KIAA1217: variants seen among roughly 807,000 people sequenced by gnomAD.
KIAA1217 encodes the protein KIAA1217.
KIAA1217 carries 88 observed loss-of-function variants against 163.9 expected under a neutral mutation model. The ratio of observed to expected loss-of-function variants is 0.54; its 90% CI spans 0.45 to 0.64. The LOEUF (loss-of-function observed/expected upper bound fraction) is 0.64. Ranked by LOEUF, KIAA1217 falls within the 30% of genes least tolerant of loss-of-function variation. The pLI, the probability that KIAA1217 is intolerant of heterozygous loss-of-function variation, is 0.00. For missense variants in KIAA1217, 2,372 were observed against 2,475.0 expected (o/e 0.96, Z 0.88); for synonymous variants, 903 against 923.1 (o/e 0.98, Z 0.39).
chr10:24,528,268 T>G (rs371137146), intron 14 of KIAA1217, 149 bp downstream of exon 14: 2 of 622,448 alleles, frequency 3.2e-6, no homozygotes. Context: ...GAGCAAATCC[T>G]CTGGTGTTCC....
chr10:23,948,979 A>G (rs1589130017), intron 1 of KIAA1217, among the ~76,000 whole-genome samples: 1 of 152,214 alleles, frequency 6.6e-6, no homozygotes, highest in East Asian at 1.9e-4. Flanking sequence ...TGAGCCCTCA[A>G]AAAACTCACA....
intron 1 of KIAA1217, among the ~76,000 whole-genome samples, chr10:23,940,862 C>T (rs544616830): frequency 3.9e-5 from 6 of 152,350 alleles, no homozygotes; most frequent in African/African-American, 1.4e-4. Context: ...AAGGAGAAAT[C>T]AGTGTGTAAA....
Position 24,546,605 on chromosome 10 carries a change from G to A in KIAA1217, c.*281G>A, listed in dbSNP as rs545463255. 12 of 335,934 alleles carry A rather than the reference G, an allele frequency of 3.6e-5. No homozygotes were observed. In the East Asian group the frequency reaches 3.6e-4, roughly 10 times the overall value. 20.8% of individuals were successfully genotyped at this position (335,934 alleles called of 1,614,324 possible). ...AGGTTCTGGTGGGAGAGAAAGGTGC[G>A]TGTGAGACAGGAGAATTGTCTTAAG... On this transcript the variant is annotated 3_prime_UTR_variant, in exon 21 of 21. Coordinates refer to ENST00000376454, the MANE Select transcript of KIAA1217 (RefSeq NM_019590.5).
chr10:23,849,926 G>A (rs1839227146), intron 1 of KIAA1217, among the ~76,000 whole-genome samples: 1 of 152,034 alleles, frequency 6.6e-6, no homozygotes, highest in African/African-American at 2.4e-5. Flanking sequence ...GCGTACAACA[G>A]ACACATTGCA....
intron 1 of KIAA1217, among the ~76,000 whole-genome samples, chr10:23,773,567 T>C (rs1564407944): frequency 6.6e-6 from 1 of 152,208 alleles, no homozygotes; most frequent in Non-Finnish European, 1.5e-5. Context: ...ATGGCCATTT[T>C]CACGATATTG....
intron 1 of KIAA1217, among the ~76,000 whole-genome samples, chr10:23,923,049 C>A (rs950882933): frequency 6.6e-6 from 1 of 152,120 alleles, no homozygotes; most frequent in Non-Finnish European, 1.5e-5. Context: ...GTCACCCAAG[C>A]AGGGTACACT....
At chr10:24,172,602 C>A in intron 2 of KIAA1217, among the ~76,000 whole-genome samples, 1 of 152,200 alleles carries the variant, frequency 6.6e-6, no homozygotes, top group African/African-American at 2.4e-5. Context: ...AATGAGTTAA[C>A]ATCTGTCCAA....
intron 2 of KIAA1217, among the ~76,000 whole-genome samples, chr10:24,089,113 A>G (rs2061827882): frequency 8.0e-6 from 1 of 124,922 alleles, no homozygotes; most frequent in Non-Finnish European, 2.0e-5. Flanking sequence ...GTGTCTGTTC[A>G]TATCCTTCGC....
At chr10:24,063,304 A>G (rs1185027577) in intron 2 of KIAA1217, among the ~76,000 whole-genome samples, 1 of 152,172 alleles carries the variant, frequency 6.6e-6, no homozygotes, top group Non-Finnish European at 1.5e-5. Context: ...TCCATGTTGA[A>G]TTAATTTTTG....
Position 24,501,461 on chromosome 10 carries a change from C to G in KIAA1217, c.1917C>G (p.Thr639=), listed in dbSNP as rs773691200. ...VPPSQPPPVG[T]SAIHMSLLEM... ...CCAGCCAGCCTCCACCTGTGGGCAC[C>G]TCAGCCATCCACATGAGCCTGCTTG... The change falls in exon 9 of 21, where the codon ACC becomes ACG. Residue 639 remains threonine, a synonymous_variant. Coordinates refer to ENST00000376454, the MANE Select transcript of KIAA1217 (RefSeq NM_019590.5). 1 of 1,614,090 alleles carries G rather than the reference C, an allele frequency of 6.2e-7. No individual in the cohort carries two copies.
chr10:23,856,130 A>G (rs1171443259), intron 1 of KIAA1217, among the ~76,000 whole-genome samples: 1 of 151,936 alleles, frequency 6.6e-6, no homozygotes, highest in East Asian at 1.9e-4. Context: ...TTTTTTCCCC[A>G]TCTATGTGGT....
intron 3 of KIAA1217, among the ~76,000 whole-genome samples, chr10:24,420,079 T>G (rs1465753502): frequency 6.6e-6 from 1 of 152,120 alleles, no homozygotes; most frequent in Non-Finnish European, 1.5e-5. Flanking sequence ...ATGGTCAGCT[T>G]AAAAGACGTA....
At chr10:23,945,748 G>A (rs577816612) in intron 1 of KIAA1217, among the ~76,000 whole-genome samples, 4 of 152,230 alleles carry the variant, frequency 2.6e-5, no homozygotes, top group African/African-American at 7.2e-5. Flanking sequence ...TGATTCTCCT[G>A]TACTTCATTT....
At chr10:24,455,384 AT>A (rs1048992798) in intron 5 of KIAA1217, among the ~76,000 whole-genome samples, 1 of 152,246 alleles carries the variant, frequency 6.6e-6, no homozygotes, top group African/African-American at 2.4e-5. Context: ...GATATGTGCA[AT>A]AACAAAACAT....
At chr10:24,314,218 C>T (rs1260679542) in intron 2 of KIAA1217, among the ~76,000 whole-genome samples, 3 of 152,186 alleles carry the variant, frequency 2.0e-5, no homozygotes, top group African/African-American at 7.2e-5. Flanking sequence ...CCAATGCCTA[C>T]TGTAGCTCTG....
At chr10:23,849,326 C>G (rs1244556269) in intron 1 of KIAA1217, among the ~76,000 whole-genome samples, 1 of 152,092 alleles carries the variant, frequency 6.6e-6, no homozygotes, top group Admixed American at 6.6e-5. Flanking sequence ...CATCATCCAT[C>G]CACATTTGGA....
At chr10:23,789,113 T>A (rs1263415181) in intron 1 of KIAA1217, among the ~76,000 whole-genome samples, 1 of 152,238 alleles carries the variant, frequency 6.6e-6, no homozygotes, top group African/African-American at 2.4e-5. Context: ...GTTTCTCTGA[T>A]TGTGAAATAA....
At chr10:24,018,191 A>G (rs544110306) in intron 2 of KIAA1217, among the ~76,000 whole-genome samples, 3 of 152,234 alleles carry the variant, frequency 2.0e-5, no homozygotes, top group East Asian at 3.9e-4. Context: ...ACCAAACACA[A>G]AAAAGTGAGA....
intron 1 of KIAA1217, among the ~76,000 whole-genome samples, chr10:23,829,787 T>TA (rs1838087185): frequency 1.3e-5 from 2 of 152,208 alleles, no homozygotes; most frequent in Non-Finnish European, 2.9e-5. Flanking sequence ...TAGCAAGGGG[T>TA]TAACAATGCC....
Sources: allele counts gnomAD v4.1 joint callset (sites outside exome capture counted in the v4.1 genomes callset), GRCh38; gene constraint gnomAD v4.1.1; transcripts MANE v1.5; gene names NCBI Gene and HGNC (gene_info 2026-07-23, HGNC 2026-07-21).